The following CNTNAP2 variants were observed in gnomAD, a reference collection of about 807,000 sequenced individuals.
The protein encoded by CNTNAP2 is contactin associated protein 2, also known as contactin-associated protein-like 2.
In CNTNAP2, 98 loss-of-function variants were observed where a neutral mutation model predicts 155.2. The ratio of observed to expected loss-of-function variants is 0.63; its 90% CI spans 0.54 to 0.75. CNTNAP2 has a LOEUF of 0.75. Ranked by LOEUF, CNTNAP2 falls within the 30% of genes least tolerant of loss-of-function variation. The pLI, the probability that CNTNAP2 is intolerant of heterozygous loss-of-function variation, is 0.00. For synonymous variants in CNTNAP2, 651 were observed against 631.2 expected (o/e 1.03, Z -0.47); for missense variants, 1,727 against 1,688.1 (o/e 1.02, Z -0.40).
chr7:146,245,527 G>T (rs1799632518), intron 1 of CNTNAP2, among the ~76,000 whole-genome samples: 1 of 152,104 alleles, frequency 6.6e-6, no homozygotes, highest in Non-Finnish European at 1.5e-5. Context: ...GCGCAGAAAG[G>T]CTACAGGGTG....
intron 1 of CNTNAP2, among the ~76,000 whole-genome samples, chr7:146,334,108 G>A (rs946829372): frequency 2.0e-5 from 3 of 152,166 alleles, no homozygotes; most frequent in Admixed American, 6.5e-5. Flanking sequence ...AAGAGGCATA[G>A]AGAAGGTTGG....
At chr7:146,560,281 T>C (rs1369514058) in intron 1 of CNTNAP2, among the ~76,000 whole-genome samples, 1 of 152,034 alleles carries the variant, frequency 6.6e-6, no homozygotes, top group Non-Finnish European at 1.5e-5. Context: ...CCAGTACAAA[T>C]AAAATTATAT....
At chr7:146,189,355 C>A (rs1160969931) in intron 1 of CNTNAP2, among the ~76,000 whole-genome samples, 1 of 152,126 alleles carries the variant, frequency 6.6e-6, no homozygotes, top group Non-Finnish European at 1.5e-5. Flanking sequence ...ATTAATAATA[C>A]TTAATAATAC....
chr7:146,133,492 C>T (rs1797749023), intron 1 of CNTNAP2, among the ~76,000 whole-genome samples: 1 of 152,084 alleles, frequency 6.6e-6, no homozygotes, highest in Non-Finnish European at 1.5e-5. Flanking sequence ...CTTGCCCATG[C>T]CTATGTCCTG....
At chr7:147,920,802 TG>T (rs1172799695) in intron 14 of CNTNAP2, among the ~76,000 whole-genome samples, 1 of 143,222 alleles carries the variant, frequency 7.0e-6, no homozygotes, top group East Asian at 2.0e-4. Flanking sequence ...CTTCTGCTCC[TG>T]TCTTTTTTTT....
chr7:147,177,250 A>G (rs1238010293), intron 8 of CNTNAP2, among the ~76,000 whole-genome samples: 1 of 152,002 alleles, frequency 6.6e-6, no homozygotes, highest in Non-Finnish European at 1.5e-5. Flanking sequence ...TTGAATTGTA[A>G]TAATCTCCAC....
chr7:146,535,861 A>G (rs1362120384), intron 1 of CNTNAP2, among the ~76,000 whole-genome samples: 1 of 152,072 alleles, frequency 6.6e-6, no homozygotes, highest in African/African-American at 2.4e-5. Flanking sequence ...CATTGACTGT[A>G]TTCCCTACTT....
intron 13 of CNTNAP2, among the ~76,000 whole-genome samples, chr7:147,721,601 C>T (rs144713327): frequency 0.016 from 2,500 of 152,114 alleles, 221 homozygotes; most frequent in Admixed American, 0.15. Context: ...TTTACCTTAA[C>T]GTTGTGCCAT....
chr7:148,112,901 TAA>T (rs1242237723), intron 15 of CNTNAP2, among the ~76,000 whole-genome samples: 7 of 152,018 alleles, frequency 4.6e-5, no homozygotes, highest in Non-Finnish European at 8.8e-5. Flanking sequence ...TTGAAAGAGT[TAA>T]AAGTGTGAGA....
chr7:147,359,642 C>T (rs539916919), intron 9 of CNTNAP2, among the ~76,000 whole-genome samples: 2 of 152,248 alleles, frequency 1.3e-5, no homozygotes. Context: ...TTGTTTAGCA[C>T]ACTGGGAACA....
intron 1 of CNTNAP2, among the ~76,000 whole-genome samples, chr7:146,575,746 T>A (rs1798514642): frequency 6.6e-6 from 1 of 152,180 alleles, no homozygotes; most frequent in African/African-American, 2.4e-5. Flanking sequence ...TCTAAGGCGA[T>A]AAAATCTTTC....
intron 1 of CNTNAP2, among the ~76,000 whole-genome samples, chr7:146,148,528 T>C (rs1230662312): frequency 6.6e-6 from 1 of 152,156 alleles, no homozygotes; most frequent in Non-Finnish European, 1.5e-5. Flanking sequence ...GAAAATGCTC[T>C]AAGTAACATT....
intron 1 of CNTNAP2, among the ~76,000 whole-genome samples, chr7:146,585,101 GTGTTTTGTTTTGTTTTGTTT>G (rs10677797): frequency 1.4e-5 from 2 of 147,970 alleles, no homozygotes; most frequent in South Asian, 2.2e-4. Context: ...GAGTATCTTG[GTGTTTTGTTTTGTTTTGTTT>G]TGTTTTGTTT....
chr7:148,346,251 A>G (rs1798324505), intron 21 of CNTNAP2, among the ~76,000 whole-genome samples: 1 of 152,240 alleles, frequency 6.6e-6, no homozygotes, highest in Non-Finnish European at 1.5e-5. Flanking sequence ...ATATGTTTTT[A>G]TAAGATATTC....
chr7:146,769,873 A>G (rs1056309299), intron 1 of CNTNAP2, among the ~76,000 whole-genome samples: 23 of 152,284 alleles, frequency 1.5e-4, no homozygotes, highest in African/African-American at 5.1e-4. Flanking sequence ...CTTTACTTAC[A>G]AAAGCAATCT....
chr7:147,231,326 A>C lies in CNTNAP2; in HGVS notation c.1349-68815A>C, dbSNP rs184499453. Among the ~76,000 whole-genome samples the C allele has an allele frequency of 1.4e-3, 216 of 152,312 alleles. 1 individual carries two copies. The highest frequency in any genetic ancestry group is 4.9e-3 in the African/African-American group (205 of 41,566). ...TACAGCACATTTTCTTTGTCCATTC[A>C]TCTGTGACTGACACTTAGGTTGTTT... On this transcript the variant is annotated intron_variant, in intron 8 of 23. Coordinates refer to ENST00000361727, the MANE Select transcript of CNTNAP2 (RefSeq NM_014141.6).
At chr7:147,381,103 T>A (rs1262307449) in intron 9 of CNTNAP2, among the ~76,000 whole-genome samples, 1 of 152,136 alleles carries the variant, frequency 6.6e-6, no homozygotes, top group Admixed American at 6.6e-5. Context: ...TAAATGACAC[T>A]GGCAGAGCTG....
At chr7:147,414,988 CTCTA>C (rs758977504) in intron 10 of CNTNAP2, among the ~76,000 whole-genome samples, 1 of 147,820 alleles carries the variant, frequency 6.8e-6, no homozygotes, top group Non-Finnish European at 1.5e-5. Flanking sequence ...GAAATGGATT[CTCTA>C]TCTGAGAACT....
intron 1 of CNTNAP2, among the ~76,000 whole-genome samples, chr7:146,491,293 G>A (rs1375068709): frequency 6.6e-6 from 1 of 152,076 alleles, no homozygotes; most frequent in Admixed American, 6.6e-5. Flanking sequence ...AGCTTTGGAG[G>A]GTTGGGTTCT....
Sources: allele counts gnomAD v4.1 joint callset (sites outside exome capture counted in the v4.1 genomes callset), GRCh38; gene constraint gnomAD v4.1.1; transcripts MANE v1.5; gene names NCBI Gene and HGNC (gene_info 2026-07-23, HGNC 2026-07-21).